Variants in DNAAF5 observed in about 807,000 individuals in gnomAD.
DNAAF5 encodes the protein HEAT repeat containing 2.
Under a neutral mutation model 75.8 loss-of-function variants are expected in DNAAF5, and 64 were observed. The observed-to-expected ratio is 0.84, with a 90% CI of 0.69 to 1.04. The LOEUF (loss-of-function observed/expected upper bound fraction) is 1.04, where lower values mean the gene tolerates loss of function less well. DNAAF5 is among the 50% of genes least tolerant of loss of function. The pLI, the probability that DNAAF5 is intolerant of heterozygous loss-of-function variation, is 0.00. For missense variants in DNAAF5, 1,269 were observed against 1,178.5 expected (o/e 1.08, Z -1.12); for synonymous variants, 657 against 557.2 (o/e 1.18, Z -2.52).
chr7:754,927 T>A lies in DNAAF5; in HGVS notation c.1257+106T>A, dbSNP rs1401496692. ...GGCTGTACTGTAGCCAAGACAGCGT[T>A]CCCCTCACCCCCGGGCCGCAGGCCC... On this transcript the variant is annotated intron_variant, in intron 5 of 12. Transcript: ENST00000297440. The surrounding 1 kb of genome is among the most constrained non-coding windows in gnomAD (Gnocchi z 4.8). 3.5e-6 allele frequency: 3 copies of A among 863,616 alleles called. No individual in the cohort carries two copies. The highest frequency in any genetic ancestry group is 1.8e-6 in the Non-Finnish European group (1 of 568,650). The allele number at this position is 863,616 out of a possible 1,614,324, so 53.5% of individuals were successfully genotyped here.
chr7:741,334 T>G lies in DNAAF5; in HGVS notation c.906-13T>G, dbSNP rs1300595484. ...CTGCCCTGAGCCACTGTTGTCTGTC[T>G]GTTGTGCCTCAGGCAGCTGGCTGCC... On this transcript the variant is annotated splice_polypyrimidine_tract_variant and intron_variant, in intron 3 of 12. Coordinates refer to ENST00000297440, the MANE Select transcript of DNAAF5 (RefSeq NM_017802.4). 1.3e-6 allele frequency: 2 copies of G among 1,579,518 alleles called. No homozygotes were observed. The highest frequency in any genetic ancestry group is 1.7e-6 in the Non-Finnish European group (2 of 1,161,230).
At chr7:781,144 G>A (rs966998628) in intron 12 of DNAAF5, among the ~76,000 whole-genome samples, 1 of 152,086 alleles carries the variant, frequency 6.6e-6, no homozygotes, top group African/African-American at 2.4e-5. Context: ...TTCTGTTTTT[G>A]TACTCATTAA....
At chr7:755,073 A>ATGTTGTGTAGACG (rs775875560) in intron 5 of DNAAF5, among the ~76,000 whole-genome samples, 2 of 152,152 alleles carry the variant, frequency 1.3e-5, no homozygotes, top group Non-Finnish European at 2.9e-5. Flanking sequence ...TGCCAGGTGC[A>ATGTTGTGTAGACG]TGTTGTGTAG....
chr7:738,599 AC>A (rs1286012693), intron 2 of DNAAF5, among the ~76,000 whole-genome samples: 1 of 152,104 alleles, frequency 6.6e-6, no homozygotes, highest in Non-Finnish European at 1.5e-5. Flanking sequence ...AAATTGAAAA[AC>A]GTCCTGCTTT....
chr7:757,024 AGAG>A (rs761588893), intron 6 of DNAAF5, 30 bp downstream of exon 6: 1 of 1,574,340 alleles, frequency 6.4e-7, no homozygotes, highest in Non-Finnish European at 8.6e-7. Context: ...GCGGGAGTGG[AGAG>A]GAGGAGCCTC....
In DNAAF5 at chr7:729,776, T is replaced by A; in HGVS notation, c.709T>A (p.Phe237Ile). The A allele has an allele frequency of 6.2e-7, 1 of 1,614,228 alleles. No homozygotes were observed. Among genetic ancestry groups the A allele is most frequent in the Non-Finnish European group, 8.5e-7 (1 of 1,180,038 alleles). The change falls in exon 2 of 13, where the codon TTT becomes ATT. Residue 237 changes from phenylalanine (F) to isoleucine (I), a missense_variant. Physicochemically the swap from Phe to Ile is conservative, Grantham distance 21 (BLOSUM62 0). Coordinates refer to ENST00000297440, the MANE Select transcript of DNAAF5 (RefSeq NM_017802.4). ...TGAAGCCACAGGCGCAGTGATCCATTTTGGCAACGGGAAGTCCGTGGACGA... is the reference window on the plus strand; with the variant it reads ...TGAAGCCACAGGCGCAGTGATCCATATTGGCAACGGGAAGTCCGTGGACGA... ...AIEATGAVIH[F>I]GNGKSVDDVL...
chr7:739,783 C>T (rs1041921198), intron 2 of DNAAF5, among the ~76,000 whole-genome samples: 1 of 152,152 alleles, frequency 6.6e-6, no homozygotes. Flanking sequence ...CCGGCAGGGG[C>T]GGATCCTAGG....
rs1225277723 is a variant in DNAAF5, at chr7:754,906, G to T, written c.1257+85G>T. 2 of 1,060,390 alleles carry T rather than the reference G, an allele frequency of 1.9e-6. No individual in the cohort carries two copies. The highest frequency in any genetic ancestry group is 5.2e-5 in the East Asian group (2 of 38,156). 65.7% of individuals were successfully genotyped at this position (1,060,390 alleles called of 1,614,324 possible). On this transcript the variant is annotated intron_variant, in intron 5 of 12. Transcript: ENST00000297440. The surrounding 1 kb of genome is among the most constrained non-coding windows in gnomAD (Gnocchi z 4.8). ...TCTGTGGTGTGCGGGGCCCGAGGCT[G>T]TACTGTAGCCAAGACAGCGTTCCCC...
chr7:773,312 C>T lies in DNAAF5; in HGVS notation c.1932-736C>T, dbSNP rs187109124. On this transcript the variant is annotated intron_variant, in intron 9 of 12. Transcript: ENST00000297440. The stretch of plus-strand genomic sequence containing the variant: ...GTGGCGCCTCCAGAAGAGGAAGGGA[C>T]GCTGTGCAGGCTTCACGGACGCTGG... 1.1e-3 allele frequency among the ~76,000 whole-genome samples: 164 copies of T among 152,360 alleles called. 1 individual carries two copies. The highest frequency in any genetic ancestry group is 4.9e-3 in the Admixed American group (75 of 15,302).
At chr7:748,774 C>T (rs1382576937) in intron 4 of DNAAF5, among the ~76,000 whole-genome samples, 1 of 152,216 alleles carries the variant, frequency 6.6e-6, no homozygotes, top group Non-Finnish European at 1.5e-5. Context: ...GCTCTGTGAG[C>T]ACCCAGCGAG....
intron 9 of DNAAF5, chr7:771,278 C>T (rs1480692389): frequency 1.3e-5 from 2 of 152,318 alleles, no homozygotes; most frequent in African/African-American, 4.8e-5. Context: ...CATGGGTGCC[C>T]TCTAGGAGCA....
chr7:763,740 CAGCA>C (rs1782736518), intron 7 of DNAAF5, 62 bp from the exon 8 acceptor site: 2 of 1,549,856 alleles, frequency 1.3e-6, no homozygotes, highest in Admixed American at 1.7e-5. Flanking sequence ...TAGTGAGTCC[CAGCA>C]GGCAGGCAGG....
chr7:745,541 T>C (rs1562381408), intron 4 of DNAAF5, among the ~76,000 whole-genome samples: 1 of 151,984 alleles, frequency 6.6e-6, no homozygotes, highest in African/African-American at 2.4e-5. Context: ...ATGCATATCG[T>C]CACACGCGTA....
chr7:765,938 C>T (rs1782806180), intron 8 of DNAAF5, among the ~76,000 whole-genome samples: 1 of 152,190 alleles, frequency 6.6e-6, no homozygotes, highest in Admixed American at 6.5e-5. Flanking sequence ...AAGCGATCCT[C>T]CTGCCTCAGC....
chr7:758,974 C>T (rs1179797643), intron 6 of DNAAF5, among the ~76,000 whole-genome samples: 3 of 152,154 alleles, frequency 2.0e-5, no homozygotes, highest in Non-Finnish European at 4.4e-5. Context: ...TGAGCCACCG[C>T]ACCTGGCCCC....
chr7:749,598 G>A (rs1782224919), intron 4 of DNAAF5, among the ~76,000 whole-genome samples: 1 of 152,216 alleles, frequency 6.6e-6, no homozygotes, highest in Admixed American at 6.5e-5. Flanking sequence ...GTTACGTTGT[G>A]CAAATGGGCT....
Position 759,776 on chromosome 7 carries a change from A to C in DNAAF5, c.1471-1977A>C, listed in dbSNP as rs1198669664. Among the ~76,000 whole-genome samples, 3 of 152,106 alleles carry C rather than the reference A, an allele frequency of 2.0e-5. No individual in the cohort carries two copies. In the South Asian group the frequency reaches 6.2e-4, roughly 32 times the overall value. ...TGGTGCTTGCTGCAAAGGATGCCTG[A>C]TTCCCTGTTTGTTCCTGTGCTTGGA... is the stretch of plus-strand genomic sequence containing the variant. On this transcript the variant is annotated intron_variant, in intron 6 of 12. Coordinates refer to ENST00000297440, the MANE Select transcript of DNAAF5 (RefSeq NM_017802.4).
chr7:757,401 G>A lies in DNAAF5; in HGVS notation c.1470+407G>A, dbSNP rs377489993. 1.1e-4 allele frequency among the ~76,000 whole-genome samples: 17 copies of A among 152,336 alleles called. No individual in the cohort carries two copies. The East Asian group carries it at 2.5e-3, about 23-fold the overall frequency. On this transcript the variant is annotated intron_variant, in intron 6 of 12. Transcript: ENST00000297440. ...TGCTGGGGGTAGATGTGGGGTCCACGTCATCCCACCCCTGAGGAGCGTGGT... is the reference window on the plus strand; with the variant it reads ...TGCTGGGGGTAGATGTGGGGTCCACATCATCCCACCCCTGAGGAGCGTGGT...
At chr7:730,781 G>A (rs772179963) in intron 2 of DNAAF5, among the ~76,000 whole-genome samples, 1 of 146,610 alleles carries the variant, frequency 6.8e-6, no homozygotes, top group Non-Finnish European at 1.5e-5. Flanking sequence ...AGACACAGGG[G>A]GACCCTTTCC....
Sources: gnomAD v4.1 joint callset for allele counts (sites outside exome capture counted in the v4.1 genomes callset) on GRCh38, gnomAD v4.1.1 for gene constraint, Gnocchi (gnomAD v3.1) non-coding constraint, MANE v1.5 for transcripts, NCBI Gene and HGNC (gene_info 2026-07-23, HGNC 2026-07-21) for gene names.